MCTP2: variants seen among roughly 807,000 people sequenced by gnomAD.
MCTP2 encodes multiple C2 and transmembrane domain-containing protein 2.
A neutral mutation model predicts 111.6 loss-of-function variants in MCTP2; 132 were observed. The observed-to-expected ratio is 1.18, with a 90% CI of 1.03 to 1.37. The LOEUF (loss-of-function observed/expected upper bound fraction) is 1.37. MCTP2 is among the 40% of genes most tolerant of loss of function. The probability of loss-of-function intolerance (pLI) is 0.00; values close to 1 mark genes in which losing one functional copy is unlikely to be tolerated. For synonymous variants in MCTP2, 395 were observed against 387.7 expected, an observed-to-expected ratio of 1.02 and a Z score of -0.22; for missense variants, 1,183 against 1,067.9, an observed-to-expected ratio of 1.11 and a Z score of -1.50.
At chr15:94,378,190 G>A (rs2079885792) in intron 12 of MCTP2, among the ~76,000 whole-genome samples, 1 of 152,126 alleles carries the variant, frequency 6.6e-6, no homozygotes, top group Non-Finnish European at 1.5e-5. Context: ...ATATTGTTGA[G>A]GGGCTTGAGA....
chr15:94,434,220 G>A (rs1240172609), intron 17 of MCTP2, among the ~76,000 whole-genome samples: 2 of 151,832 alleles, frequency 1.3e-5, no homozygotes, highest in East Asian at 3.9e-4. Context: ...CTTTGCCTCA[G>A]CCTCCCAAGT....
At position 94,475,830 on chromosome 15, in the gene MCTP2, G is replaced by C. The variant is rs117132275; in HGVS notation, c.2471-866G>C. On this transcript the variant is annotated intron_variant, in intron 21 of 22. Transcript: ENST00000357742. ...CTCTAAAGAGTAAACCAGGGGCAGA[G>C]CGTGTCCTGGATATGCACGGGAACC... Among the ~76,000 whole-genome samples the C allele has an allele frequency of 2.6e-5, 4 of 152,304 alleles. No homozygotes were observed. In the East Asian group the frequency reaches 5.8e-4, roughly 22 times the overall value.
chr15:94,310,943 A>AAAAC (rs1031691425), intron 2 of MCTP2, among the ~76,000 whole-genome samples: 23 of 151,682 alleles, frequency 1.5e-4, no homozygotes, highest in African/African-American at 4.8e-4. Context: ...CCTTGTCTCA[A>AAAAC]AAACAAACAA....
intron 12 of MCTP2, among the ~76,000 whole-genome samples, chr15:94,382,167 A>T (rs2080175099): frequency 6.6e-6 from 1 of 152,208 alleles, no homozygotes; most frequent in East Asian, 1.9e-4. Flanking sequence ...GTGAATTGTG[A>T]GGGCAATATT....
chr15:94,462,957 C>G (rs1434450510), intron 20 of MCTP2, among the ~76,000 whole-genome samples: 1 of 152,120 alleles, frequency 6.6e-6, no homozygotes, highest in Non-Finnish European at 1.5e-5. Flanking sequence ...CTTAAATAAA[C>G]CCAGGGAATG....
At chr15:94,276,038 A>G (rs10152327) in intron 1 of MCTP2, among the ~76,000 whole-genome samples, 51,065 of 151,468 alleles carry the variant, frequency 0.34, 8,826 homozygotes, top group Middle Eastern at 0.41. Flanking sequence ...TAGAGATGGG[A>G]TTTCACCGTG....
intron 1 of MCTP2, among the ~76,000 whole-genome samples, chr15:94,288,238 G>A (rs1179063224): frequency 6.6e-6 from 1 of 152,178 alleles, no homozygotes; most frequent in African/African-American, 2.4e-5. Context: ...GAATGAAAAA[G>A]GGTGAGTTCT....
At chr15:94,306,901 A>T (rs929571744) in intron 2 of MCTP2, among the ~76,000 whole-genome samples, 4 of 152,192 alleles carry the variant, frequency 2.6e-5, no homozygotes, top group African/African-American at 9.6e-5. Context: ...CACAGAGGAG[A>T]GGAAACGACC....
chr15:94,385,620 A>G lies in MCTP2; in HGVS notation c.1788+95A>G, dbSNP rs28709064. ...TGCTTTATCTTTGTCAACCTGGGGG[A>G]AAAAAATCCTCCTAACTATAGCAGG... On this transcript the variant is annotated intron_variant, in intron 14 of 22. Coordinates refer to ENST00000357742, the MANE Select transcript of MCTP2 (RefSeq NM_001385001.1). 1.4e-4 allele frequency: 110 copies of G among 814,086 alleles called. No individual in the cohort carries two copies. In the African/African-American group the frequency reaches 1.4e-3, roughly 11 times the overall value. 50.4% of individuals were successfully genotyped at this position (814,086 alleles called of 1,614,324 possible). A position where few individuals can be genotyped will look rare whatever the true frequency, so the allele number is the denominator to read the frequency against.
At position 94,358,451 on chromosome 15, in the gene MCTP2, AAAAT is replaced by A. The variant is rs746305865; in HGVS notation, c.1171-25_1171-22del. 6 of 1,588,840 alleles carry A rather than the reference AAAAT, an allele frequency of 3.8e-6. No homozygotes were observed. The East Asian group carries it at 1.1e-4, about 30-fold the overall frequency. Reference sequence around the variant, plus strand: ...CTGTAGCAATGAATGACATTTTAAGAAAATAAATATTATAACTGCATGTTTTCTA... The same window carrying A: ...CTGTAGCAATGAATGACATTTTAAGAAAATATTATAACTGCATGTTTTCTA... On this transcript the variant is annotated intron_variant, in intron 9 of 22. Transcript: ENST00000357742.
rs112310503 is a variant in MCTP2, at chr15:94,299,741, A to G, written c.465+1011A>G. 8.2e-3 allele frequency among the ~76,000 whole-genome samples: 1,251 copies of G among 152,332 alleles called. 16 individuals carry two copies. The highest frequency in any genetic ancestry group is 0.028 in the African/African-American group (1,177 of 41,560). On this transcript the variant is annotated intron_variant, in intron 2 of 22. Transcript: ENST00000357742. ...TTCCAGGTTAGTGTTACAATTGCCT[A>G]GAAAACTGGTTGTTTAACTTGGATT... is the stretch of plus-strand genomic sequence containing the variant.
intron 7 of MCTP2, chr15:94,341,366 T>C (rs957998016): frequency 6.5e-5 from 10 of 153,582 alleles, no homozygotes; most frequent in Admixed American, 5.8e-4. Flanking sequence ...GACTCTTCTT[T>C]TGAGCAAAAA....
chr15:94,317,973 C>G (rs2076449505), intron 4 of MCTP2, among the ~76,000 whole-genome samples: 1 of 152,004 alleles, frequency 6.6e-6, no homozygotes, highest in East Asian at 1.9e-4. Context: ...ACAACTGCAT[C>G]TCTTGTGTTC....
In MCTP2 at chr15:94,285,574, A is replaced by G. The variant is rs1042115630; in HGVS notation, c.-65-12627A>G. ...GGGTTCACTTAAAAGTCACTTACAC[A>G]TTTTATTGAATTCATTCTGGTCATT... On this transcript the variant is annotated intron_variant, in intron 1 of 22. Coordinates refer to ENST00000357742, the MANE Select transcript of MCTP2 (RefSeq NM_001385001.1). Among the ~76,000 whole-genome samples, 6 of 152,258 alleles carry G rather than the reference A, an allele frequency of 3.9e-5. 1 individual carries two copies. The East Asian group carries it at 1.2e-3, about 29-fold the overall frequency.
chr15:94,373,769 G>A (rs892521582), intron 12 of MCTP2, among the ~76,000 whole-genome samples: 1 of 152,196 alleles, frequency 6.6e-6, no homozygotes. Flanking sequence ...AGAAAAGCCT[G>A]TCAAATGTTT....
At chr15:94,398,223 T>C (rs2081377013) in intron 14 of MCTP2, among the ~76,000 whole-genome samples, 1 of 152,184 alleles carries the variant, frequency 6.6e-6, no homozygotes, top group Admixed American at 6.5e-5. Flanking sequence ...ACCTCAACCT[T>C]AAGCTGATTT....
In MCTP2 at chr15:94,401,915, G is replaced by C; in HGVS notation, c.1981G>C (p.Val661Leu). ...TTAAAATCAGATCTTATCAAGAGAT[G>C]TGGACCGTGTGAAAAGAATCACTAT... ...KLSKKILSRD[V>L]DRVKRITMAI... Residue 661 changes from valine to leucine, a missense_variant, in exon 17 of 23, where the codon GTG becomes CTG. Transcript: ENST00000357742. The C allele has an allele frequency of 6.2e-7, 1 of 1,611,916 alleles. No homozygotes were observed.
intron 1 of MCTP2, among the ~76,000 whole-genome samples, chr15:94,246,556 C>A (rs567688721): frequency 1.3e-5 from 2 of 152,228 alleles, no homozygotes; most frequent in African/African-American, 4.8e-5. Flanking sequence ...GTCATGTTTA[C>A]CTCCCTTAAT....
At chr15:94,277,508 A>G (rs1274152212) in intron 1 of MCTP2, among the ~76,000 whole-genome samples, 2 of 152,216 alleles carry the variant, frequency 1.3e-5, no homozygotes, top group Non-Finnish European at 2.9e-5. Context: ...AATGTTATCA[A>G]GCTATGAAAA....
Sources: allele counts gnomAD v4.1 joint callset (sites outside exome capture counted in the v4.1 genomes callset), GRCh38; gene constraint gnomAD v4.1.1; transcripts MANE v1.5; gene names NCBI Gene and HGNC (gene_info 2026-07-23, HGNC 2026-07-21).